The following DGKB variants were observed in gnomAD, a reference collection of about 807,000 sequenced individuals.
The protein encoded by DGKB is diacylglycerol kinase beta, also known as 90 kDa diacylglycerol kinase.
DGKB carries 67 observed loss-of-function variants against 114.3 expected under a neutral mutation model. The observed-to-expected ratio is 0.59, with a 90% CI of 0.48 to 0.72. DGKB has a LOEUF of 0.72. Ranked by LOEUF, DGKB falls within the 30% of genes least tolerant of loss-of-function variation. The pLI, the probability that DGKB is intolerant of heterozygous loss-of-function variation, is 0.00. For synonymous variants in DGKB, 398 were observed against 323.1 expected, an observed-to-expected ratio of 1.23 and a Z score of -2.49; for missense variants, 907 against 975.2, an observed-to-expected ratio of 0.93 and a Z score of 0.93.
chr7:14,600,994 G>T (rs533910971), intron 17 of DGKB, among the ~76,000 whole-genome samples: 1 of 152,280 alleles, frequency 6.6e-6, no homozygotes, highest in South Asian at 2.1e-4. Context: ...CTCTGCAGGG[G>T]CCTGAACCAT....
chr7:14,648,091 C>A (rs1813511105), intron 13 of DGKB, among the ~76,000 whole-genome samples: 1 of 152,194 alleles, frequency 6.6e-6, no homozygotes, highest in African/African-American at 2.4e-5. Context: ...ATTGCCCAGG[C>A]TTGATTAGGT....
At chr7:14,507,418 G>C (rs185438804) in intron 20 of DGKB, among the ~76,000 whole-genome samples, 1 of 152,020 alleles carries the variant, frequency 6.6e-6, no homozygotes, top group Non-Finnish European at 1.5e-5. Context: ...TTAATGTGCC[G>C]TGTGAAAGTC....
rs370817682 is a variant in DGKB, at chr7:14,149,085, G to A, written c.*46C>T. On this transcript the variant is annotated 3_prime_UTR_variant, in exon 26 of 26. Coordinates refer to ENST00000402815, the MANE Select transcript of DGKB (RefSeq NM_001350709.2). ...AAGATTTCCAGCATATGTGTTCCAT[G>A]GCCCAATTATGCTAATTCAATTTCT... is the stretch of plus-strand genomic sequence containing the variant. The A allele has an allele frequency of 1.4e-5, 21 of 1,500,332 alleles. No individual in the cohort carries two copies. Among genetic ancestry groups the A allele is most frequent in the Admixed American group, 3.3e-5 (2 of 59,716 alleles). The allele number at this position is 1,500,332 out of a possible 1,614,324, so 92.9% of individuals were successfully genotyped here.
chr7:14,704,159 G>T (rs1343034366), intron 6 of DGKB, among the ~76,000 whole-genome samples: 1 of 151,826 alleles, frequency 6.6e-6, no homozygotes, highest in Non-Finnish European at 1.5e-5. Context: ...TTGCCGGCCG[G>T]GCGCGGTGGC....
chr7:14,956,298 C>T (rs1013656316), intron 1 of DGKB, among the ~76,000 whole-genome samples: 1 of 151,888 alleles, frequency 6.6e-6, no homozygotes, highest in Non-Finnish European at 1.5e-5. Context: ...ATGAATCTTG[C>T]CCCTACAATG....
rs1463694276 is a variant in DGKB at position 14,397,743 on chromosome 7, T to G, written c.1836-52352A>C. Reference sequence around the variant, plus strand: ...TTGTTTCATGTTGCTTCTCTTGTACTTCTTAGCTTTCATGCAAAAAAAAGT... The same window carrying G: ...TTGTTTCATGTTGCTTCTCTTGTACGTCTTAGCTTTCATGCAAAAAAAAGT... On this transcript the variant is annotated intron_variant, in intron 21 of 25. Transcript: ENST00000402815. 2.0e-5 allele frequency among the ~76,000 whole-genome samples: 3 copies of G among 151,966 alleles called. No homozygotes were observed. In the East Asian group the frequency reaches 5.8e-4, roughly 29 times the overall value.
chr7:14,955,816 A>G (rs945707551), intron 1 of DGKB, among the ~76,000 whole-genome samples: 4 of 152,054 alleles, frequency 2.6e-5, no homozygotes, highest in African/African-American at 9.7e-5. Flanking sequence ...GTATATAGGT[A>G]ATCACCATGT....
At chr7:14,894,455 T>C (rs1477518379) in intron 1 of DGKB, among the ~76,000 whole-genome samples, 1 of 151,316 alleles carries the variant, frequency 6.6e-6, no homozygotes, top group African/African-American at 2.4e-5. Context: ...TGGAGAAAAA[T>C]TTTTTATCAA....
chr7:14,227,584 C>A (rs1584574256), intron 23 of DGKB, among the ~76,000 whole-genome samples: 1 of 151,830 alleles, frequency 6.6e-6, no homozygotes. Context: ...CAAAATTACA[C>A]AGAAAATAGA....
chr7:14,360,607 A>T (rs960635420), intron 21 of DGKB, among the ~76,000 whole-genome samples: 1 of 152,004 alleles, frequency 6.6e-6, no homozygotes. Context: ...AATGATGGGC[A>T]ACTTTTTACA....
chr7:14,750,342 C>T (rs565950820), intron 4 of DGKB, among the ~76,000 whole-genome samples: 3 of 152,294 alleles, frequency 2.0e-5, no homozygotes, highest in East Asian at 3.9e-4. Flanking sequence ...AAAAGATATA[C>T]ACAAATAAGG....
intron 9 of DGKB, among the ~76,000 whole-genome samples, chr7:14,692,536 T>C (rs1164645331): frequency 2.0e-5 from 3 of 151,976 alleles, no homozygotes; most frequent in African/African-American, 4.8e-5. Context: ...TGTCATAAGG[T>C]ACATGAACAA....
intron 23 of DGKB, among the ~76,000 whole-genome samples, chr7:14,211,082 C>G (rs1018807111): frequency 1.1e-4 from 16 of 152,142 alleles, no homozygotes; most frequent in African/African-American, 3.9e-4. Context: ...TAGGTTTCTT[C>G]ACTGTGTTCT....
intron 1 of DGKB, among the ~76,000 whole-genome samples, chr7:14,963,957 T>C (rs903381590): frequency 6.6e-6 from 1 of 152,116 alleles, no homozygotes; most frequent in Non-Finnish European, 1.5e-5. Flanking sequence ...TCCATACATA[T>C]ATATATACAC....
chr7:14,443,487 A>C (rs1338980488), intron 21 of DGKB, among the ~76,000 whole-genome samples: 1 of 152,242 alleles, frequency 6.6e-6, no homozygotes, highest in Non-Finnish European at 1.5e-5. Context: ...TTCATTTCCT[A>C]TTTGGCCTCC....
chr7:14,277,483 T>C (rs1799203184), intron 23 of DGKB, among the ~76,000 whole-genome samples: 1 of 152,206 alleles, frequency 6.6e-6, no homozygotes. Context: ...AGAGTTCAAC[T>C]TTTTTAGATT....
At chr7:14,524,296 G>A (rs1790274403) in intron 20 of DGKB, among the ~76,000 whole-genome samples, 1 of 152,054 alleles carries the variant, frequency 6.6e-6, no homozygotes, top group Non-Finnish European at 1.5e-5. Context: ...CTCTCTCCGG[G>A]ATTAGGTAAC....
Position 14,720,577 on chromosome 7 carries a change from T to C in DGKB, c.323-1892A>G, listed in dbSNP as rs570859325. 3.7e-3 allele frequency among the ~76,000 whole-genome samples: 565 copies of C among 151,878 alleles called. 1 individual carries two copies. The highest frequency in any genetic ancestry group is 5.3e-3 in the Non-Finnish European group (359 of 67,964). ...TCAGGCTGGTCTCGAATTCCTGACC[T>C]CATGATCCATCCACGTCGGCCTCCC... On this transcript the variant is annotated intron_variant, in intron 5 of 25. Coordinates refer to ENST00000402815, the MANE Select transcript of DGKB (RefSeq NM_001350709.2).
rs182501095 is a variant in DGKB at position 14,771,668 on chromosome 7, G to A, written c.71-13937C>T. Among the ~76,000 whole-genome samples the A allele has an allele frequency of 4.5e-4, 68 of 151,900 alleles. No individual in the cohort carries two copies. The South Asian group carries it at 5.0e-3, about 11-fold the overall frequency. ...TGACTTACTTTCCAGTCTGATTCTGGCATAACTAGGGAAAAAATCAAAATA... is the reference window on the plus strand; with the variant it reads ...TGACTTACTTTCCAGTCTGATTCTGACATAACTAGGGAAAAAATCAAAATA... On this transcript the variant is annotated intron_variant, in intron 2 of 25. Transcript: ENST00000402815.
Sources: allele counts gnomAD v4.1 joint callset (sites outside exome capture counted in the v4.1 genomes callset), GRCh38; gene constraint gnomAD v4.1.1; transcripts MANE v1.5; gene names NCBI Gene and HGNC (gene_info 2026-07-23, HGNC 2026-07-21).